Variants in PSMB5 observed in about 807,000 individuals in gnomAD.
PSMB5 encodes proteasome 20S subunit beta 5.
In PSMB5, 2 loss-of-function variants were observed where a neutral mutation model predicts 22.8. The ratio of observed to expected loss-of-function variants is 0.09; its 90% CI spans 0.04 to 0.28. The LOEUF (loss-of-function observed/expected upper bound fraction) is 0.28. Ranked by LOEUF, PSMB5 falls within the 10% of genes least tolerant of loss-of-function variation. PSMB5 has a pLI of 1.00. For missense variants in PSMB5, 269 were observed against 343.8 expected, an observed-to-expected ratio of 0.78 and a Z score of 1.72; for synonymous variants, 133 against 135.3, an observed-to-expected ratio of 0.98 and a Z score of 0.12.
At chr14:23,027,156 G>A (rs936614854) in intron 2 of PSMB5, among the ~76,000 whole-genome samples, 1 of 151,780 alleles carries the variant, frequency 6.6e-6, no homozygotes. Flanking sequence ...GCCGAGGCGG[G>A]TGGATCACGA....
chr14:23,031,966 G>T (rs765164976), intron 2 of PSMB5, among the ~76,000 whole-genome samples: 1 of 151,638 alleles, frequency 6.6e-6, no homozygotes, highest in Non-Finnish European at 1.5e-5. Context: ...GCATATGCCT[G>T]TAGTCTCAGC....
Position 23,026,028 on chromosome 14 carries a change from T to C in PSMB5, c.*61A>G, listed in dbSNP as rs190864003. Reference sequence around the variant, plus strand: ...ATAAATAGGATGGAGGATGGGTCACTGTGTCCGTATTACCAATGACAGTCA... The same window carrying C: ...ATAAATAGGATGGAGGATGGGTCACCGTGTCCGTATTACCAATGACAGTCA... On this transcript the variant is annotated 3_prime_UTR_variant, in exon 3 of 3. Coordinates refer to ENST00000361611, the MANE Select transcript of PSMB5 (RefSeq NM_002797.5). The C allele has an allele frequency of 6.3e-7, 1 of 1,586,140 alleles. No individual in the cohort carries two copies. The highest frequency in any genetic ancestry group is 2.2e-5 in the East Asian group (1 of 44,588).
At chr14:23,034,576 C>G in intron 1 of PSMB5, 108 bp downstream of exon 1, 1 of 1,330,638 alleles carries the variant, frequency 7.5e-7, no homozygotes, top group South Asian at 1.3e-5. Context: ...AGGACCCAGC[C>G]TCCGCCTGGG....
chr14:23,034,210 T>C (rs1293583293), intron 1 of PSMB5, among the ~76,000 whole-genome samples: 1 of 152,102 alleles, frequency 6.6e-6, no homozygotes, highest in East Asian at 1.9e-4. Context: ...GAGCTAGTTA[T>C]TGCAGAGCTG....
intron 2 of PSMB5, among the ~76,000 whole-genome samples, chr14:23,032,266 G>A (rs924216643): frequency 2.6e-5 from 4 of 151,682 alleles, no homozygotes; most frequent in Non-Finnish European, 5.9e-5. Flanking sequence ...CCAACATGGT[G>A]AAACCCCATC....
At chr14:23,027,791 T>C in intron 2 of PSMB5, 2 of 1,548,338 alleles carry the variant, frequency 1.3e-6, no homozygotes, top group Non-Finnish European at 1.7e-6. Context: ...AACAAGTACA[T>C]TCCAAATGAC....
In PSMB5 at chr14:23,034,796, T is replaced by C; in HGVS notation, c.86A>G (p.Asp29Gly). The C allele has an allele frequency of 1.9e-6, 3 of 1,614,136 alleles. No individual in the cohort carries two copies. Among genetic ancestry groups the C allele is most frequent in the Middle Eastern group, 1.6e-4 (1 of 6,062 alleles). The part of the protein sequence containing the change: ...FGLGGRADLL[D>G]LGPGSLSDGL... Reference sequence around the variant, plus strand: ...ATCACTGAGACTCCCTGGACCTAGATCCAGCAGATCTGCACGACCCCCAAG... The same window carrying C: ...ATCACTGAGACTCCCTGGACCTAGACCCAGCAGATCTGCACGACCCCCAAG... Residue 29 changes from aspartate to glycine, a missense_variant, in exon 1 of 3, where the codon GAT becomes GGT. Asp to Gly is a moderately conservative substitution (Grantham distance 94, BLOSUM62 -1). Coordinates refer to ENST00000361611, the MANE Select transcript of PSMB5 (RefSeq NM_002797.5).
In PSMB5 at chr14:23,026,248, G is replaced by C. The variant is rs763417612; in HGVS notation, c.633C>G (p.Ala211=). Reference sequence around the variant, plus strand: ...AGATGGCTCGACGGGCCAGATCATAGGCCTGCTCCACTTCCAGGTCATAGG... The same window carrying C: ...AGATGGCTCGACGGGCCAGATCATACGCCTGCTCCACTTCCAGGTCATAGG... ...GYSYDLEVEQ[A]YDLARRAIYQ... is the part of the protein sequence containing the mutation. The change falls in exon 3 of 3, where the codon GCC becomes GCG. Residue 211 remains alanine (A), a synonymous_variant. Transcript: ENST00000361611. The C allele has an allele frequency of 6.2e-7, 1 of 1,614,046 alleles. No homozygotes were observed. Among genetic ancestry groups the C allele is most frequent in the Non-Finnish European group, 8.5e-7 (1 of 1,180,000 alleles).
At chr14:23,029,541 T>TATTG (rs1218388491) in intron 2 of PSMB5, among the ~76,000 whole-genome samples, 6 of 152,232 alleles carry the variant, frequency 3.9e-5, no homozygotes, top group African/African-American at 7.2e-5. Flanking sequence ...TCTTTTTATT[T>TATTG]ATTGATTGAC....
chr14:23,033,951 G>A (rs1420086505), intron 1 of PSMB5, among the ~76,000 whole-genome samples: 3 of 152,012 alleles, frequency 2.0e-5, no homozygotes, highest in African/African-American at 4.8e-5. Context: ...CGGGAGGACC[G>A]CTTGAGGCCA....
At chr14:23,033,772 T>G in intron 1 of PSMB5, 98 bp from the exon 2 acceptor site, 24 of 1,075,690 alleles carry the variant, frequency 2.2e-5, no homozygotes, top group South Asian at 3.2e-5. Context: ...AGCACATCTC[T>G]TTCTCCGTCC....
intron 2 of PSMB5, among the ~76,000 whole-genome samples, chr14:23,030,306 A>G (rs1049487817): frequency 5.3e-5 from 8 of 151,404 alleles, no homozygotes; most frequent in Admixed American, 3.3e-4. Flanking sequence ...TGGCTAACAC[A>G]GTGAAACCCC....
At chr14:23,032,032 T>C (rs557887931) in intron 2 of PSMB5, among the ~76,000 whole-genome samples, 1 of 152,050 alleles carries the variant, frequency 6.6e-6, no homozygotes, top group Non-Finnish European at 1.5e-5. Flanking sequence ...GAGATTGCAG[T>C]GAGCTGAGAT....
Position 23,033,603 on chromosome 14 carries a change from C to T in PSMB5, c.270G>A (p.Val90=), listed in dbSNP as rs1168822261. The part of the protein sequence containing the change: ...TAGAYIASQT[V]KKVIEINPYL... Reference sequence around the variant, plus strand: ...ATGGGTTGATCTCTATCACCTTCTTCACCGTCTGGGAGGCAATGTAAGCAC... The same window carrying T: ...ATGGGTTGATCTCTATCACCTTCTTTACCGTCTGGGAGGCAATGTAAGCAC... Residue 90 remains valine, a synonymous_variant, in exon 2 of 3, where the codon GTG becomes GTA. Coordinates refer to ENST00000361611, the MANE Select transcript of PSMB5 (RefSeq NM_002797.5). 1.2e-6 allele frequency: 2 copies of T among 1,614,014 alleles called. No individual in the cohort carries two copies. The highest frequency in any genetic ancestry group is 4.5e-5 in the East Asian group (2 of 44,900).
intron 2 of PSMB5, among the ~76,000 whole-genome samples, chr14:23,031,375 T>C (rs1416608054): frequency 6.6e-6 from 1 of 152,238 alleles, no homozygotes; most frequent in African/African-American, 2.4e-5. Context: ...CTCTCTCACA[T>C]CCGGTTTTTA....
chr14:23,027,961 T>C (rs574671552), intron 2 of PSMB5: 2 of 516,554 alleles, frequency 3.9e-6, no homozygotes, highest in East Asian at 8.2e-5. Context: ...CTGACCAACA[T>C]GGAGAAACCC....
chr14:23,033,669 G>A lies in PSMB5; in HGVS notation c.204C>T (p.Arg68=). ...HGTTTLAFKF[R]HGVIVAADSR... ...AGTCAGCTGCAACTATGACTCCATG[G>A]CGGAACTGTTAAGATCAGAGGAAAA... The change falls in exon 2 of 3, where the codon CGC becomes CGT. Residue 68 remains arginine (R), a synonymous_variant. Transcript: ENST00000361611. The A allele has an allele frequency of 6.2e-7, 1 of 1,606,190 alleles. No homozygotes were observed. The highest frequency in any genetic ancestry group is 8.5e-7 in the Non-Finnish European group (1 of 1,173,854).
intron 2 of PSMB5, 89 bp downstream of exon 2, chr14:23,033,277 ATT>A (rs1362819783): frequency 7.4e-7 from 1 of 1,351,200 alleles, no homozygotes; most frequent in Non-Finnish European, 1.0e-6. Context: ...CTTCTTCAGC[ATT>A]GACACCAAGC....
chr14:23,027,499 TA>T (rs1288176365), intron 2 of PSMB5, among the ~76,000 whole-genome samples: 3 of 150,144 alleles, frequency 2.0e-5, no homozygotes, highest in Non-Finnish European at 4.4e-5. Flanking sequence ...AAATTATTAT[TA>T]TTTTTTTAAA....
Sources: allele counts gnomAD v4.1 joint callset (sites outside exome capture counted in the v4.1 genomes callset), GRCh38; gene constraint gnomAD v4.1.1; transcripts MANE v1.5; gene names NCBI Gene and HGNC (gene_info 2026-07-23, HGNC 2026-07-21).